Variants in PMFBP1 observed in about 807,000 individuals in gnomAD.
The protein encoded by PMFBP1 is polyamine-modulated factor 1-binding protein 1.
Under a neutral mutation model 137.8 loss-of-function variants are expected in PMFBP1, and 131 were observed. That is an observed-to-expected ratio of 0.95 (90% CI 0.82 to 1.10). The LOEUF (loss-of-function observed/expected upper bound fraction) is 1.10. PMFBP1 is among the 50% of genes least tolerant of loss of function. PMFBP1 has a pLI of 0.00. For synonymous variants in PMFBP1, 490 were observed against 450.4 expected (o/e 1.09, Z -1.11); for missense variants, 1,199 against 1,175.4 (o/e 1.02, Z -0.29).
intron 2 of PMFBP1, among the ~76,000 whole-genome samples, chr16:72,169,989 T>C (rs1313098431): frequency 6.6e-6 from 1 of 151,956 alleles, no homozygotes; most frequent in Non-Finnish European, 1.5e-5. Flanking sequence ...CAGCCACCTA[T>C]GGAACGTGGG....
At chr16:72,195,107 G>A in the PMFBP1 span, among the ~76,000 whole-genome samples, 2 of 152,204 alleles carry the variant, frequency 1.3e-5, no homozygotes, top group African/African-American at 4.8e-5. Context: ...CCCAGGGAGT[G>A]CACTTTGCGG....
the PMFBP1 span, among the ~76,000 whole-genome samples, chr16:72,213,586 T>C: frequency 1.7e-4 from 26 of 152,224 alleles, no homozygotes; most frequent in Admixed American, 9.8e-4. Context: ...ACTACAGTCC[T>C]AGCTGACACC....
the PMFBP1 span, among the ~76,000 whole-genome samples, chr16:72,234,709 T>G: frequency 1.2e-4 from 19 of 152,238 alleles, no homozygotes; most frequent in African/African-American, 2.4e-5. Context: ...GAACTCACTC[T>G]CATGACTTTG....
chr16:72,146,584 GTC>G (rs1470820060), intron 5 of PMFBP1, among the ~76,000 whole-genome samples: 1 of 152,184 alleles, frequency 6.6e-6, no homozygotes, highest in East Asian at 1.9e-4. Flanking sequence ...AAGTCAAATT[GTC>G]TCTGTTTGCA....
chr16:72,193,832 T>C, the PMFBP1 span, among the ~76,000 whole-genome samples: 1 of 151,974 alleles, frequency 6.6e-6, no homozygotes, highest in Non-Finnish European at 1.5e-5. Flanking sequence ...CTCCAGTCCA[T>C]CAGCATGGCG....
Position 72,130,260 on chromosome 16 carries a change from C to T in PMFBP1, c.1735G>A (p.Glu579Lys), listed in dbSNP as rs764520290. 6.2e-6 allele frequency: 10 copies of T among 1,614,166 alleles called. No individual in the cohort carries two copies. Among genetic ancestry groups the T allele is most frequent in the Middle Eastern group, 1.6e-4 (1 of 6,062 alleles). ...ATGTCATTCATTTTCATATCCTGCT[C>T]AGCCACTGTCTTCTGAAGCTGCCTC... is the stretch of plus-strand genomic sequence containing the variant. ...EKRQLQKTVA[E>K]QDMKMNDMLD... Residue 579 changes from glutamate to lysine, a missense_variant, in exon 12 of 21, where the codon GAG (glutamate) becomes AAG (lysine). Coordinates refer to ENST00000237353, the MANE Select transcript of PMFBP1 (RefSeq NM_031293.3).
intron 5 of PMFBP1, among the ~76,000 whole-genome samples, chr16:72,150,027 G>A (rs1002252055): frequency 2.0e-5 from 3 of 152,122 alleles, no homozygotes; most frequent in African/African-American, 4.8e-5. Flanking sequence ...TATAATAATC[G>A]TATTACTTGT....
rs759000023 is a variant in PMFBP1 at position 72,119,917 on chromosome 16, C to G, written c.2941G>C (p.Gly981Arg). 5.6e-6 allele frequency: 9 copies of G among 1,614,074 alleles called. No homozygotes were observed. In the South Asian group the frequency reaches 8.8e-5, roughly 16 times the overall value. The change falls in exon 20 of 21, where the codon GGG becomes CGG. Residue 981 changes from glycine to arginine, a missense_variant. By Grantham distance (125) the Gly-to-Arg change is moderately radical. Transcript: ENST00000237353. ...EKVCGTLGWKGLPQDMGQRMD... is the reference protein window; with the variant it reads ...EKVCGTLGWKRLPQDMGQRMD... ...CTTTGACCCATATCCTGGGGCAACCCCTTCCAGCCCAAGGTGCCGCACACT... is the reference window on the plus strand; with the variant it reads ...CTTTGACCCATATCCTGGGGCAACCGCTTCCAGCCCAAGGTGCCGCACACT...
chr16:72,228,158 C>T, the PMFBP1 span, among the ~76,000 whole-genome samples: 3 of 152,028 alleles, frequency 2.0e-5, no homozygotes, highest in Non-Finnish European at 4.4e-5. Context: ...GGGTGGGGTT[C>T]GAGCCTGGAC....
In PMFBP1 at chr16:72,129,109, T is replaced by A; in HGVS notation, c.1907A>T (p.Glu636Val). ...SKEHEKLMEG[E>V]LEALRQEFKK... ...AAATTCCTGCCGCAAAGCTTCAAGT[T>A]CTCCCTCCATCAGCTTCTCATGCTC... The change falls in exon 13 of 21, where the codon GAA (glutamate) becomes GTA (valine). Residue 636 changes from glutamate to valine, a missense_variant. By Grantham distance (121) the Glu-to-Val change is moderately radical (BLOSUM62 -2). Transcript: ENST00000237353. 6.2e-7 allele frequency: 1 copy of A among 1,614,178 alleles called. No homozygotes were observed. Among genetic ancestry groups the A allele is most frequent in the Non-Finnish European group, 8.5e-7 (1 of 1,180,034 alleles).
chr16:72,247,629 T>C, the PMFBP1 span, among the ~76,000 whole-genome samples: 1 of 152,178 alleles, frequency 6.6e-6, no homozygotes, highest in South Asian at 2.1e-4. Context: ...TTTTGGACAA[T>C]CACAAATCAG....
the PMFBP1 span, among the ~76,000 whole-genome samples, chr16:72,211,345 T>C: frequency 6.6e-6 from 1 of 152,160 alleles, no homozygotes; most frequent in African/African-American, 2.4e-5. Context: ...AACCAGAAGT[T>C]TCTTCTCTGA....
chr16:72,131,649 G>C (rs1216648425), intron 10 of PMFBP1, among the ~76,000 whole-genome samples: 1 of 152,080 alleles, frequency 6.6e-6, no homozygotes, highest in African/African-American at 2.4e-5. Flanking sequence ...GTCAGAGCAG[G>C]AGAGAAAAGA....
the PMFBP1 span, among the ~76,000 whole-genome samples, chr16:72,229,175 T>C: frequency 6.6e-6 from 1 of 152,150 alleles, no homozygotes; most frequent in Non-Finnish European, 1.5e-5. Context: ...TGCTGTCAAG[T>C]ATATTATCTC....
At chr16:72,149,982 T>C (rs2042877391) in intron 5 of PMFBP1, among the ~76,000 whole-genome samples, 1 of 152,212 alleles carries the variant, frequency 6.6e-6, no homozygotes. Context: ...AGGCAGACTT[T>C]CATATTTAAT....
chr16:72,189,677 A>G, the PMFBP1 span, among the ~76,000 whole-genome samples: 1 of 152,224 alleles, frequency 6.6e-6, no homozygotes, highest in African/African-American at 2.4e-5. Flanking sequence ...TAATTGCCCA[A>G]GGGGTCTTCC....
At chr16:72,125,527 C>A in intron 15 of PMFBP1, 122 bp from the exon 16 acceptor site, 2 of 1,132,542 alleles carry the variant, frequency 1.8e-6, no homozygotes, top group Non-Finnish European at 2.5e-6. Flanking sequence ...CGGACGGTCA[C>A]CTTGCCTAGT....
chr16:72,206,427 GGCA>G, the PMFBP1 span, among the ~76,000 whole-genome samples: 5 of 152,126 alleles, frequency 3.3e-5, no homozygotes, highest in Non-Finnish European at 5.9e-5. Context: ...ATTCCAGGAG[GGCA>G]GCTCCACAGA....
chr16:72,212,221 G>T, the PMFBP1 span, among the ~76,000 whole-genome samples: 1 of 151,950 alleles, frequency 6.6e-6, no homozygotes, highest in Non-Finnish European at 1.5e-5. Context: ...AAGAGGAGGG[G>T]ATTATAGAAG....
Sources: gnomAD v4.1 joint callset for allele counts (sites outside exome capture counted in the v4.1 genomes callset) on GRCh38, gnomAD v4.1.1 for gene constraint, MANE v1.5 for transcripts, NCBI Gene and HGNC (gene_info 2026-07-23, HGNC 2026-07-21) for gene names.